NRP1: variants seen among roughly 807,000 people sequenced by gnomAD.
NRP1 encodes the protein neuropilin 1, also known as neuropilin-1.
In NRP1, 35 loss-of-function variants were observed where a neutral mutation model predicts 106.7. The observed-to-expected ratio is 0.33, with a 90% CI of 0.25 to 0.43. NRP1 has a LOEUF of 0.43. Ranked by LOEUF, NRP1 falls within the 20% of genes least tolerant of loss-of-function variation. NRP1 has a pLI of 1.00. For missense variants in NRP1, 1,024 were observed against 1,170.4 expected, an observed-to-expected ratio of 0.87 and a Z score of 1.83; for synonymous variants, 437 against 417.9, an observed-to-expected ratio of 1.05 and a Z score of -0.56.
chr10:33,186,828 G>A (rs976321668), intron 13 of NRP1, among the ~76,000 whole-genome samples: 2 of 105,876 alleles, frequency 1.9e-5, no homozygotes, highest in African/African-American at 7.7e-5. Context: ...GCATAGACTG[G>A]ACTGAAAACT....
At chr10:33,269,404 C>T (rs962629605) in intron 3 of NRP1, among the ~76,000 whole-genome samples, 3 of 152,188 alleles carry the variant, frequency 2.0e-5, no homozygotes, top group African/African-American at 7.2e-5. Flanking sequence ...GGCAGCCCTC[C>T]CACCTCAACC....
chr10:33,197,678 G>A lies in NRP1; in HGVS notation c.1896C>T (p.Pro632=). The A allele has an allele frequency of 6.2e-7, 1 of 1,605,462 alleles. No individual in the cohort carries two copies. Among genetic ancestry groups the A allele is most frequent in the South Asian group, 1.1e-5 (1 of 88,910 alleles). ...ATTGTATGGTGCTGTCTATGACCGTGGGCTTTTCTGTGGCCAGCACAGTGG... is the reference window on the plus strand; with the variant it reads ...ATTGTATGGTGCTGTCTATGACCGTAGGCTTTTCTGTGGCCAGCACAGTGG... The part of the protein sequence containing the change: ...GGTTVLATEK[P]TVIDSTIQSE... The change falls in exon 12 of 17, where the codon CCC becomes CCT. Residue 632 remains proline (P), a synonymous_variant. Transcript: ENST00000374867.
At chr10:33,240,044 G>A (rs1840893690) in intron 6 of NRP1, among the ~76,000 whole-genome samples, 1 of 152,198 alleles carries the variant, frequency 6.6e-6, no homozygotes, top group South Asian at 2.1e-4. Flanking sequence ...AATGAATATA[G>A]ACTTCAGGCC....
At chr10:33,286,310 C>CGT (rs895313160) in intron 2 of NRP1, among the ~76,000 whole-genome samples, 39 of 152,136 alleles carry the variant, frequency 2.6e-4, no homozygotes, top group Non-Finnish European at 4.6e-4. Flanking sequence ...CTCTGCAAAA[C>CGT]GTGTGGGAAG....
rs115983426 is a variant in NRP1 at position 33,326,915 on chromosome 10, G to T, written c.248+3793C>A. On this transcript the variant is annotated intron_variant, in intron 2 of 16. Transcript: ENST00000374867. ...TACTGTATTGTTAAGATTATGAAAT[G>T]ATGTTTTTTACCTAATTATACATAA... Among the ~76,000 whole-genome samples the T allele has an allele frequency of 3.6e-3, 553 of 152,136 alleles. 4 individuals are homozygous for T. The highest frequency in any genetic ancestry group is 0.012 in the African/African-American group (514 of 41,530).
chr10:33,199,381 ATATATATATTTTTTTTTTTTTTTT>A (rs1564372730), intron 11 of NRP1, among the ~76,000 whole-genome samples: 2 of 58,296 alleles, frequency 3.4e-5, no homozygotes, highest in African/African-American at 1.4e-4. Flanking sequence ...ATATATATAT[ATATATATATTTTTTTTTTTTTTTT>A]TTTTTTTTTT....
At chr10:33,318,619 G>A (rs1277557911) in intron 2 of NRP1, among the ~76,000 whole-genome samples, 2 of 151,460 alleles carry the variant, frequency 1.3e-5, no homozygotes, top group African/African-American at 4.8e-5. Context: ...TGTTTCCTAA[G>A]GAAAAAAGAA....
At chr10:33,222,262 A>G (rs1033265155) in intron 7 of NRP1, among the ~76,000 whole-genome samples, 1 of 152,162 alleles carries the variant, frequency 6.6e-6, no homozygotes, top group African/African-American at 2.4e-5. Flanking sequence ...TTTTTAAGTA[A>G]ACTATAGGGC....
intron 12 of NRP1, among the ~76,000 whole-genome samples, chr10:33,195,251 A>G (rs993255489): frequency 2.0e-5 from 3 of 152,170 alleles, no homozygotes; most frequent in African/African-American, 4.8e-5. Flanking sequence ...GCTCAGGCCC[A>G]TACAATCGTA....
chr10:33,214,300 C>T (rs1160180826), intron 8 of NRP1, among the ~76,000 whole-genome samples: 1 of 152,148 alleles, frequency 6.6e-6, no homozygotes, highest in African/African-American at 2.4e-5. Flanking sequence ...GGACTTTCCA[C>T]ATGAATGTCT....
rs1838332012 is a variant in NRP1 at position 33,211,937 on chromosome 10, C to T, written c.1614+1449G>A. 2.0e-5 allele frequency: 3 copies of T among 152,236 alleles called. No individual in the cohort carries two copies. In the South Asian group the frequency reaches 6.2e-4, roughly 32 times the overall value. The allele number at this position is 152,236 out of a possible 1,614,324, so 9.4% of individuals were successfully genotyped here. A position where few individuals can be genotyped will look rare whatever the true frequency, so the allele number is the denominator to read the frequency against. On this transcript the variant is annotated intron_variant, in intron 9 of 16. Coordinates refer to ENST00000374867, the MANE Select transcript of NRP1 (RefSeq NM_003873.7). ...TATAATTCCCACACTGAACACAGAACTTAAACTGCTAGTTGTCTGTAGGTT... is the reference window on the plus strand; with the variant it reads ...TATAATTCCCACACTGAACACAGAATTTAAACTGCTAGTTGTCTGTAGGTT...
intron 2 of NRP1, among the ~76,000 whole-genome samples, chr10:33,292,980 C>A (rs1845109820): frequency 2.3e-5 from 3 of 127,910 alleles, no homozygotes; most frequent in South Asian, 3.0e-4. Context: ...AGTGAGACTC[C>A]ATCTCAAAAA....
Position 33,243,877 on chromosome 10 carries a change from T to A in NRP1, c.981+10151A>T, listed in dbSNP as rs193149680. 2.0e-3 allele frequency among the ~76,000 whole-genome samples: 271 copies of A among 138,446 alleles called. 3 individuals are homozygous for A. The highest frequency in any genetic ancestry group is 3.4e-3 in the Non-Finnish European group (217 of 64,334). 90.8% of individuals were successfully genotyped at this position (138,446 alleles called of 152,430 possible). On this transcript the variant is annotated intron_variant, in intron 6 of 16. Transcript: ENST00000374867. ...GAATCCAGAATTGAATGAGATTAGA[T>A]GGCTAAGGGAGGGAGGGAGGGAAGG... is the stretch of plus-strand genomic sequence containing the variant.
intron 6 of NRP1, among the ~76,000 whole-genome samples, chr10:33,251,204 C>T (rs545321506): frequency 4.6e-5 from 7 of 152,134 alleles, no homozygotes; most frequent in Non-Finnish European, 8.8e-5. Context: ...GTTCCTCCTT[C>T]ACTCGCCTCT....
intron 4 of NRP1, among the ~76,000 whole-genome samples, chr10:33,263,172 T>C (rs2133239004): frequency 6.6e-6 from 1 of 152,320 alleles, no homozygotes; most frequent in South Asian, 2.1e-4. Context: ...TTTTGTAGCA[T>C]AACGGATGCA....
intron 2 of NRP1, among the ~76,000 whole-genome samples, chr10:33,288,863 T>C (rs1231502629): frequency 6.6e-6 from 1 of 152,170 alleles, no homozygotes; most frequent in African/African-American, 2.4e-5. Context: ...GTTTGCCAAA[T>C]GTTGCACTAC....
At chr10:33,202,612 A>G in intron 11 of NRP1, 3 of 1,506,968 alleles carry the variant, frequency 2.0e-6, no homozygotes, top group Non-Finnish European at 2.7e-6. Flanking sequence ...GGTTTAGTAC[A>G]TTTAGCCATG....
At chr10:33,281,154 A>T (rs946375309) in intron 2 of NRP1, among the ~76,000 whole-genome samples, 1 of 151,624 alleles carries the variant, frequency 6.6e-6, no homozygotes, top group Admixed American at 6.6e-5. Flanking sequence ...GGTTCAAGCG[A>T]TTCTCCTGCC....
chr10:33,204,131 G>T (rs1475931750), intron 10 of NRP1, among the ~76,000 whole-genome samples: 3 of 152,050 alleles, frequency 2.0e-5, no homozygotes, highest in Non-Finnish European at 2.9e-5. Flanking sequence ...TTGAGATAAT[G>T]GATAGTTCTC....
Sources: gnomAD v4.1 joint callset for allele counts (sites outside exome capture counted in the v4.1 genomes callset) on GRCh38, gnomAD v4.1.1 for gene constraint, MANE v1.5 for transcripts, NCBI Gene and HGNC (gene_info 2026-07-23, HGNC 2026-07-21) for gene names.